ARHGAP6: variants seen among roughly 807,000 people sequenced by gnomAD.
ARHGAP6 encodes rho GTPase-activating protein 6.
ARHGAP6 carries 16 observed loss-of-function variants against 55.7 expected under a neutral mutation model. The observed-to-expected ratio is 0.29, with a 90% CI of 0.19 to 0.44. The LOEUF (loss-of-function observed/expected upper bound fraction) is 0.44. ARHGAP6 is among the 20% of genes least tolerant of loss of function. ARHGAP6 has a pLI of 1.00. For synonymous variants in ARHGAP6, 382 were observed against 360.9 expected (o/e 1.06, Z -0.66); for missense variants, 698 against 808.9 (o/e 0.86, Z 1.66).
chrX:11,523,853 C>T (rs891856206), intron 1 of ARHGAP6, among the ~76,000 whole-genome samples: 2 of 111,295 alleles, frequency 1.8e-5, no homozygotes, highest in Admixed American at 9.6e-5. Flanking sequence ...AAGGAGAAAA[C>T]AGGAATGGCG....
chrX:11,143,833 A>G (rs980061698), intron 11 of ARHGAP6, 147 bp downstream of exon 11: 1 of 1,181,288 alleles, frequency 8.5e-7, no homozygotes, highest in Non-Finnish European at 1.1e-6. Flanking sequence ...GGCGTTCAGC[A>G]GGTACTCGGT....
intron 1 of ARHGAP6, among the ~76,000 whole-genome samples, chrX:11,540,322 A>G (rs925467152): frequency 7.2e-5 from 8 of 111,250 alleles, no homozygotes; most frequent in East Asian, 5.6e-4. Context: ...GGTTTAAATA[A>G]GAAAAGTTAC....
At chrX:11,274,157 G>T (rs2047727473) in intron 1 of ARHGAP6, among the ~76,000 whole-genome samples, 1 of 110,996 alleles carries the variant, frequency 9.0e-6, no homozygotes, top group Non-Finnish European at 1.9e-5. Flanking sequence ...GTGGTTCTAG[G>T]CTCATCTCTA....
intron 1 of ARHGAP6, among the ~76,000 whole-genome samples, chrX:11,388,531 C>T (rs902288884): frequency 8.9e-6 from 1 of 111,737 alleles, no homozygotes; most frequent in African/African-American, 3.3e-5. Context: ...GGTATTTTCT[C>T]TTGCTGTGCA....
At chrX:11,366,971 C>T (rs185020031) in intron 1 of ARHGAP6, among the ~76,000 whole-genome samples, 54 of 111,445 alleles carry the variant, frequency 4.8e-4, no homozygotes, top group African/African-American at 1.7e-3. Flanking sequence ...GAATAACATG[C>T]CTTCAAAGGA....
chrX:11,415,534 G>A (rs1472457490), intron 1 of ARHGAP6, among the ~76,000 whole-genome samples: 1 of 112,093 alleles, frequency 8.9e-6, no homozygotes, highest in African/African-American at 3.2e-5. Context: ...AAACACTGAG[G>A]TAAAGTGAAT....
intron 1 of ARHGAP6, among the ~76,000 whole-genome samples, chrX:11,335,378 A>C (rs905455393): frequency 3.6e-5 from 4 of 110,612 alleles, no homozygotes; most frequent in African/African-American, 1.3e-4. Context: ...CCTAGCCCCC[A>C]ACCCCGTGAC....
At chrX:11,411,219 ATAT>A (rs1301418998) in intron 1 of ARHGAP6, among the ~76,000 whole-genome samples, 1 of 84,962 alleles carries the variant, frequency 1.2e-5, no homozygotes, top group South Asian at 6.0e-4. Context: ...ATATATATAT[ATAT>A]AAAATATACA....
intron 2 of ARHGAP6, among the ~76,000 whole-genome samples, chrX:11,204,784 G>T (rs899731346): frequency 9.0e-5 from 10 of 111,572 alleles, no homozygotes; most frequent in African/African-American, 3.3e-4. Flanking sequence ...CCATTTGGTG[G>T]TTAAACCCTT....
At chrX:11,152,476 CTTCACTGCTGGCCAGCCTCTTTA>C (rs2045796769) in intron 10 of ARHGAP6, among the ~76,000 whole-genome samples, 1 of 111,757 alleles carries the variant, frequency 8.9e-6, no homozygotes, top group South Asian at 3.7e-4. Context: ...GGGCTTCTAC[CTTCACTGCTGGCCAGCCTCTTTA>C]TTGTGACCCC....
intron 6 of ARHGAP6, among the ~76,000 whole-genome samples, chrX:11,179,680 CATGTA>C (rs2046285793): frequency 9.7e-6 from 1 of 103,497 alleles, no homozygotes; most frequent in Admixed American, 1.1e-4. Flanking sequence ...TGAGTATACA[CATGTA>C]TATATGTATA....
intron 1 of ARHGAP6, among the ~76,000 whole-genome samples, chrX:11,339,731 A>G (rs1278063550): frequency 8.9e-6 from 1 of 111,823 alleles, no homozygotes; most frequent in Non-Finnish European, 1.9e-5. Context: ...TGAATTCTAC[A>G]TGCATATCCC....
chrX:11,290,207 G>A (rs1170216106), intron 1 of ARHGAP6, among the ~76,000 whole-genome samples: 2 of 111,541 alleles, frequency 1.8e-5, no homozygotes, highest in Non-Finnish European at 3.8e-5. Flanking sequence ...TATTGAAAAG[G>A]TCCATCTAAA....
chrX:11,360,884 G>C (rs916355509), intron 1 of ARHGAP6, among the ~76,000 whole-genome samples: 19 of 110,784 alleles, frequency 1.7e-4, no homozygotes, highest in Non-Finnish European at 3.4e-4. Context: ...GCCAAATCAT[G>C]AGTGAACTCC....
At chrX:11,411,604 A>G (rs2049689076) in intron 1 of ARHGAP6, among the ~76,000 whole-genome samples, 1 of 110,559 alleles carries the variant, frequency 9.0e-6, no homozygotes, top group African/African-American at 3.3e-5. Flanking sequence ...GTGCTTGGTC[A>G]GATCACTGAA....
At chrX:11,316,554 T>C (rs1218381208) in intron 1 of ARHGAP6, among the ~76,000 whole-genome samples, 4 of 112,742 alleles carry the variant, frequency 3.5e-5, no homozygotes, top group Non-Finnish European at 1.9e-5. Flanking sequence ...CTGTCACTTT[T>C]TGTGGTGAGA....
At chrX:11,167,436 T>C (rs1220784355) in intron 9 of ARHGAP6, among the ~76,000 whole-genome samples, 1 of 111,130 alleles carries the variant, frequency 9.0e-6, no homozygotes. Flanking sequence ...ACCAAAAATA[T>C]GAGAGAATGC....
At chrX:11,606,370 C>G (rs2052036132) in intron 1 of ARHGAP6, among the ~76,000 whole-genome samples, 1 of 111,396 alleles carries the variant, frequency 9.0e-6, no homozygotes, top group Non-Finnish European at 1.9e-5. Context: ...AAACTCTTTG[C>G]TATGTTATCT....
chrX:11,245,628 A>G (rs116040117), intron 2 of ARHGAP6, among the ~76,000 whole-genome samples: 2,487 of 112,450 alleles, frequency 0.022, 79 homozygotes, highest in African/African-American at 0.075. Context: ...ACCTATTAAT[A>G]AATCAAGAAA....
Sources: allele counts gnomAD v4.1 joint callset (sites outside exome capture counted in the v4.1 genomes callset), GRCh38; gene constraint gnomAD v4.1.1; transcripts MANE v1.5; gene names NCBI Gene and HGNC (gene_info 2026-07-23, HGNC 2026-07-21).